The following BTNL8 variants were observed in gnomAD, a reference collection of about 807,000 sequenced individuals.
BTNL8 encodes the protein butyrophilin like 8, also known as butyrophilin-like protein 8.
In BTNL8, 22 loss-of-function variants were observed where a neutral mutation model predicts 36.1. The observed-to-expected ratio is 0.61, with a 90% confidence interval of 0.44 to 0.87. The LOEUF (loss-of-function observed/expected upper bound fraction) is 0.87, where lower values mean the gene tolerates loss of function less well. BTNL8 is among the 40% of genes least tolerant of loss of function. The pLI is 0.00. For missense variants in BTNL8, 526 were observed against 616.9 expected (o/e 0.85, Z 1.56); for synonymous variants, 203 against 235.6 (o/e 0.86, Z 1.27).
intron 7 of BTNL8, 169 bp downstream of exon 7, chr5:180,949,434 C>A: frequency 9.6e-7 from 1 of 1,044,808 alleles, no homozygotes; most frequent in Non-Finnish European, 1.4e-6. Flanking sequence ...CCCCCAGACA[C>A]ACTTCTTTCC....
intron 7 of BTNL8, chr5:180,949,616 C>T: frequency 1.9e-6 from 1 of 528,334 alleles, no homozygotes; most frequent in South Asian, 2.2e-5. Context: ...TAGTGGGGTC[C>T]CTCCAGCTCT....
intron 7 of BTNL8, chr5:180,949,700 T>C (rs1759455065): frequency 1.5e-6 from 1 of 647,882 alleles, no homozygotes; most frequent in Admixed American, 3.4e-5. Context: ...GGACGTCATA[T>C]TGAGACATAT....
intron 3 of BTNL8, among the ~76,000 whole-genome samples, chr5:180,943,091 A>C (rs1759061042): frequency 1.3e-5 from 2 of 151,934 alleles, no homozygotes; most frequent in Admixed American, 1.3e-4. Context: ...CTCAAGAGTG[A>C]AAAAACCCAA....
chr5:180,950,618 G>A lies in BTNL8; in HGVS notation c.*74G>A, dbSNP rs1039930543. 18 of 1,370,194 alleles carry A rather than the reference G, an allele frequency of 1.3e-5. 3 individuals are homozygous for A. The Admixed American group carries it at 1.9e-4, about 15-fold the overall frequency. 84.9% of individuals were successfully genotyped at this position (1,370,194 alleles called of 1,614,324 possible). A position where few individuals can be genotyped will look rare whatever the true frequency, so the allele number is the denominator to read the frequency against. On this transcript the variant is annotated 3_prime_UTR_variant, in exon 8 of 8. Coordinates refer to ENST00000340184, the MANE Select transcript of BTNL8 (RefSeq NM_001040462.3). Reference sequence around the variant, plus strand: ...CCAGATCCAAAGTCCCGCAGCAGCCGGCCAAGGTGGCTTCCAGATGAAGGG... The same window carrying A: ...CCAGATCCAAAGTCCCGCAGCAGCCAGCCAAGGTGGCTTCCAGATGAAGGG...
intron 2 of BTNL8, chr5:180,909,698 G>T: frequency 5.3e-6 from 2 of 380,616 alleles, no homozygotes; most frequent in Non-Finnish European, 7.0e-6. Flanking sequence ...TGGGCATATG[G>T]TAAGACCTCA....
intron 1 of BTNL8, among the ~76,000 whole-genome samples, chr5:180,901,775 G>A (rs1162054681): frequency 6.6e-6 from 1 of 152,152 alleles, no homozygotes; most frequent in Non-Finnish European, 1.5e-5. Context: ...TGTTGACAAA[G>A]CACTAGGCGA....
At chr5:180,904,041 G>GT (rs1554140908) in intron 1 of BTNL8, among the ~76,000 whole-genome samples, 1 of 135,820 alleles carries the variant, frequency 7.4e-6, no homozygotes, top group Non-Finnish European at 1.6e-5. Context: ...CTTTAAAGTA[G>GT]TTTTTTCCAA....
intron 3 of BTNL8, among the ~76,000 whole-genome samples, chr5:180,943,130 C>CTTTTTT (rs35271643): frequency 5.0e-5 from 5 of 100,652 alleles, no homozygotes; most frequent in East Asian, 2.8e-4. Context: ...GGAAGATAGA[C>CTTTTTT]TTTTTTTTTT....
intron 3 of BTNL8, among the ~76,000 whole-genome samples, chr5:180,922,145 C>T (rs1757895728): frequency 6.6e-6 from 1 of 151,850 alleles, no homozygotes; most frequent in Admixed American, 6.6e-5. Flanking sequence ...CAAAATCCAA[C>T]TCTGGATTCA....
intron 3 of BTNL8, among the ~76,000 whole-genome samples, chr5:180,920,980 C>T (rs148471906): frequency 0.03 from 4,583 of 151,990 alleles, 229 homozygotes; most frequent in African/African-American, 0.1. Flanking sequence ...TAAATTGATA[C>T]AGCCACTATG....
intron 3 of BTNL8, among the ~76,000 whole-genome samples, chr5:180,928,531 C>G (rs1042574513): frequency 6.6e-6 from 1 of 152,104 alleles, no homozygotes; most frequent in Non-Finnish European, 1.5e-5. Context: ...AATTTGATAA[C>G]GGGTCATGAC....
chr5:180,937,560 G>A (rs1036364549), intron 3 of BTNL8, among the ~76,000 whole-genome samples: 2 of 152,160 alleles, frequency 1.3e-5, no homozygotes, highest in Non-Finnish European at 2.9e-5. Context: ...AGTTGAAAAT[G>A]TTTGAAATAA....
At chr5:180,945,114 G>A (rs955641969) in intron 3 of BTNL8, among the ~76,000 whole-genome samples, 5 of 152,156 alleles carry the variant, frequency 3.3e-5, no homozygotes, top group African/African-American at 9.7e-5. Context: ...GCACAAAAGC[G>A]GACACATCAC....
At position 180,950,221 on chromosome 5, in the gene BTNL8, C is replaced by T. The variant is rs1203585455; in HGVS notation, c.1180C>T (p.Arg394Cys). 9 of 1,463,326 alleles carry T rather than the reference C, an allele frequency of 6.2e-6. 2 individuals are homozygous for T. The highest frequency in any genetic ancestry group is 7.6e-6 in the Non-Finnish European group (8 of 1,058,944). The allele number at this position is 1,463,326 out of a possible 1,614,324, so 90.6% of individuals were successfully genotyped here. The change falls in exon 8 of 8, where the codon CGT (arginine) becomes TGT (cysteine). Residue 394 changes from arginine (R) to cysteine (C), a missense_variant. Transcript: ENST00000340184. ...ACATTTGTATTTCACATTAAATCCC[C>T]GTTTTATCAGCGTCTTCCCCAGGAC... ...GEHLYFTLNP[R>C]FISVFPRTPP...
At chr5:180,911,252 G>C (rs1757377229) in intron 2 of BTNL8, 87 bp from the exon 3 acceptor site, 1 of 1,544,102 alleles carries the variant, frequency 6.5e-7, no homozygotes, top group South Asian at 1.2e-5. Context: ...AGAATGGGTG[G>C]GGGGTGGACT....
chr5:180,933,765 A>G (rs1402057462), intron 3 of BTNL8, among the ~76,000 whole-genome samples: 1 of 152,126 alleles, frequency 6.6e-6, no homozygotes, highest in African/African-American at 2.4e-5. Context: ...CAAAGAACAG[A>G]ACAATAATAA....
chr5:180,923,617 T>C (rs1757967132), intron 3 of BTNL8, among the ~76,000 whole-genome samples: 1 of 152,060 alleles, frequency 6.6e-6, no homozygotes, highest in Admixed American at 6.5e-5. Context: ...GCATTAAACA[T>C]TGCTGTTCAA....
intron 3 of BTNL8, chr5:180,945,661 A>C (rs769384538): frequency 6.1e-5 from 18 of 293,370 alleles, no homozygotes; most frequent in Non-Finnish European, 1.1e-4. Flanking sequence ...GGACCTGAAC[A>C]AACATTTCTC....
chr5:180,929,684 C>G (rs62406726), intron 3 of BTNL8, among the ~76,000 whole-genome samples: 68,269 of 151,892 alleles, frequency 0.45, 16,432 homozygotes, highest in African/African-American at 0.63. Context: ...TACTATAAAT[C>G]CCTCTACACA....
Sources: gnomAD v4.1 joint callset for allele counts (sites outside exome capture counted in the v4.1 genomes callset) on GRCh38, gnomAD v4.1.1 for gene constraint, MANE v1.5 for transcripts, NCBI Gene and HGNC (gene_info 2026-07-23, HGNC 2026-07-21) for gene names.